ZNF536: variants seen among roughly 807,000 people sequenced by gnomAD.
The protein encoded by ZNF536 is zinc finger protein 536.
ZNF536 carries 13 observed loss-of-function variants against 84.5 expected under a neutral mutation model. That is an observed-to-expected ratio of 0.15 (90% CI 0.10 to 0.24). The LOEUF (loss-of-function observed/expected upper bound fraction) is 0.24. Among genes scored for constraint, ZNF536 ranks in the 10% least tolerant of loss-of-function variants. The pLI, the probability that ZNF536 is intolerant of heterozygous loss-of-function variation, is 1.00. For synonymous variants in ZNF536, 811 were observed against 742.5 expected (o/e 1.09, Z -1.50); for missense variants, 1,536 against 1,747.5 (o/e 0.88, Z 2.16).
At chr19:30,257,035 C>T (rs1303020395) in intron 1 of ZNF536, among the ~76,000 whole-genome samples, 1 of 152,154 alleles carries the variant, frequency 6.6e-6, no homozygotes, top group Non-Finnish European at 1.5e-5. Context: ...AAATGTTCGC[C>T]ATTTTACCAT....
At chr19:30,500,192 T>C (rs554815750) in intron 2 of ZNF536, among the ~76,000 whole-genome samples, 1 of 152,354 alleles carries the variant, frequency 6.6e-6, no homozygotes, top group African/African-American at 2.4e-5. Context: ...AATCCCAGGG[T>C]ACCCCAGATT....
rs994842616 is a variant in ZNF536, at chr19:30,645,691, A to G, written c.170-65066A>G. Among the ~76,000 whole-genome samples the G allele has an allele frequency of 3.3e-5, 5 of 152,212 alleles. No homozygotes were observed. In the South Asian group the frequency reaches 6.2e-4, roughly 19 times the overall value. Reference sequence around the variant, plus strand: ...GTGTCTATATCCATATCTTCTCCACAGGCTTGTCATAACTTTATAAGTGTC... The same window carrying G: ...GTGTCTATATCCATATCTTCTCCACGGGCTTGTCATAACTTTATAAGTGTC... On this transcript the variant is annotated intron_variant, in intron 1 of 1. Transcript: ENST00000592773.
rs111522706 is a variant in ZNF536, at chr19:30,592,357, C to T, written c.169+42843C>T. Among the ~76,000 whole-genome samples, 27 of 152,248 alleles carry T rather than the reference C, an allele frequency of 1.8e-4. 1 individual carries two copies. Among genetic ancestry groups the T allele is most frequent in the African/African-American group, 4.8e-4 (20 of 41,528 alleles). Reference sequence around the variant, plus strand: ...GATTTTTTTTCCATTTTTCCCCTTCCGGCAACTTATTTGATCACCTTCTTT... The same window carrying T: ...GATTTTTTTTCCATTTTTCCCCTTCTGGCAACTTATTTGATCACCTTCTTT... On this transcript the variant is annotated intron_variant, in intron 1 of 1. Transcript: ENST00000592773.
At chr19:30,343,173 G>C (rs1358628810) in intron 2 of ZNF536, among the ~76,000 whole-genome samples, 1 of 152,194 alleles carries the variant, frequency 6.6e-6, no homozygotes, top group African/African-American at 2.4e-5. Context: ...CCCTTCCTAA[G>C]AAAGAGGCTT....
chr19:30,246,236 C>T (rs548948753), intron 1 of ZNF536, among the ~76,000 whole-genome samples: 11 of 152,266 alleles, frequency 7.2e-5, no homozygotes, highest in Admixed American at 5.2e-4. Context: ...GCTTACGATG[C>T]TTGTGCAACT....
intron 2 of ZNF536, among the ~76,000 whole-genome samples, chr19:30,497,322 T>C (rs938149476): frequency 2.6e-5 from 4 of 152,208 alleles, no homozygotes; most frequent in African/African-American, 9.7e-5. Context: ...AAGCCACCTA[T>C]AGGCTTCCCA....
intron 3 of ZNF536, among the ~76,000 whole-genome samples, chr19:30,542,512 C>T (rs529248403): frequency 3.3e-5 from 5 of 152,292 alleles, no homozygotes; most frequent in African/African-American, 7.2e-5. Flanking sequence ...TGATGAACTG[C>T]GGCCTTTTAA....
chr19:30,708,022 A>G (rs988710904), intron 1 of ZNF536, among the ~76,000 whole-genome samples: 1 of 152,006 alleles, frequency 6.6e-6, no homozygotes, highest in African/African-American at 2.4e-5. Flanking sequence ...AAAAAAAAAA[A>G]AAGAAAATCC....
chr19:30,239,059 C>T (rs906641363), intron 1 of ZNF536, among the ~76,000 whole-genome samples: 1 of 152,162 alleles, frequency 6.6e-6, no homozygotes, highest in African/African-American at 2.4e-5. Context: ...AGGTGGAATT[C>T]TGGGCTGGCT....
chr19:30,408,532 C>G (rs1040291045), intron 1 of ZNF536, among the ~76,000 whole-genome samples: 3 of 152,152 alleles, frequency 2.0e-5, no homozygotes, highest in African/African-American at 7.2e-5. Context: ...TCTTCTTGAC[C>G]TCTGGTGAGA....
At chr19:30,459,341 TC>T (rs1201222373) in intron 2 of ZNF536, among the ~76,000 whole-genome samples, 1 of 150,782 alleles carries the variant, frequency 6.6e-6, no homozygotes, top group Non-Finnish European at 1.5e-5. Context: ...TTTCTTTCCT[TC>T]TTTCTTTCTC....
At chr19:30,260,762 A>G (rs952381695) in intron 1 of ZNF536, among the ~76,000 whole-genome samples, 2 of 152,180 alleles carry the variant, frequency 1.3e-5, no homozygotes, top group Admixed American at 1.3e-4. Flanking sequence ...CAAAGGCTTC[A>G]GCCCCCGGAG....
chr19:30,688,567 C>T (rs962560577), intron 1 of ZNF536, among the ~76,000 whole-genome samples: 5 of 152,040 alleles, frequency 3.3e-5, no homozygotes, highest in Admixed American at 1.3e-4. Context: ...TTATATATTC[C>T]GCGATACACA....
intron 2 of ZNF536, among the ~76,000 whole-genome samples, chr19:30,509,307 A>G (rs562056011): frequency 4.0e-5 from 6 of 148,454 alleles, no homozygotes; most frequent in Admixed American, 3.4e-4. Flanking sequence ...CATATATTAT[A>G]CATACATATA....
chr19:30,565,412 C>T (rs918914746), intron 1 of ZNF536, among the ~76,000 whole-genome samples: 2 of 152,090 alleles, frequency 1.3e-5, no homozygotes, highest in Non-Finnish European at 2.9e-5. Context: ...GGGGGCCCAC[C>T]CTCCTGTGAA....
chr19:30,253,036 C>T (rs1203375326), intron 1 of ZNF536, among the ~76,000 whole-genome samples: 1 of 152,162 alleles, frequency 6.6e-6, no homozygotes, highest in African/African-American at 2.4e-5. Flanking sequence ...GATTTGGAAT[C>T]AGTTTCTGAA....
intron 2 of ZNF536, among the ~76,000 whole-genome samples, chr19:30,469,515 C>T (rs2053548117): frequency 6.6e-6 from 1 of 152,118 alleles, no homozygotes; most frequent in South Asian, 2.1e-4. Flanking sequence ...TCTTCCTCCT[C>T]AAAGGGAGAG....
At chr19:30,237,660 AAGG>A (rs766294801) in intron 1 of ZNF536, among the ~76,000 whole-genome samples, 1 of 152,152 alleles carries the variant, frequency 6.6e-6, no homozygotes, top group Admixed American at 6.5e-5. Flanking sequence ...ATTGATCCTG[AAGG>A]AGGAGAGTCT....
chr19:30,396,010 G>T (rs2049800753), intron 1 of ZNF536, among the ~76,000 whole-genome samples: 1 of 152,100 alleles, frequency 6.6e-6, no homozygotes, highest in Non-Finnish European at 1.5e-5. Context: ...GTTTACATTA[G>T]GGTGCACTTG....
Sources: gnomAD v4.1 joint callset for allele counts (sites outside exome capture counted in the v4.1 genomes callset) on GRCh38, gnomAD v4.1.1 for gene constraint, MANE v1.5 for transcripts, NCBI Gene and HGNC (gene_info 2026-07-23, HGNC 2026-07-21) for gene names.